HK3: variants seen among roughly 807,000 people sequenced by gnomAD.
HK3 encodes hexokinase 3.
Under a neutral mutation model 91.0 loss-of-function variants are expected in HK3, and 93 were observed. That is an observed-to-expected ratio of 1.02 (90% CI 0.86 to 1.21). The LOEUF is 1.21. Among genes scored for constraint, HK3 ranks in the 50% most tolerant of loss-of-function variants. The pLI is 0.00. For missense variants in HK3, 1,235 were observed against 1,247.4 expected, an observed-to-expected ratio of 0.99 and a Z score of 0.15; for synonymous variants, 519 against 516.9, an observed-to-expected ratio of 1.00 and a Z score of -0.06.
At chr5:176,894,475 G>T (rs562119972) in intron 2 of HK3, among the ~76,000 whole-genome samples, 1 of 152,348 alleles carries the variant, frequency 6.6e-6, no homozygotes, top group South Asian at 2.1e-4. Context: ...GGGGCAAGAA[G>T]CGAGGGAGGA....
chr5:176,889,443 T>C lies in HK3; in HGVS notation c.852A>G (p.Gly284=). Residue 284 remains glycine, a synonymous_variant, in exon 8 of 19, where the codon GGA becomes GGG. Transcript: ENST00000292432. ...WGSFSDDGAL[G]PVLTTFDHTL... ...TATGGTCGAAGGTGGTCAGCACTGG[T>C]CCCAGCGCCCCATCATCGCTGAAGG... 6.2e-7 allele frequency: 1 copy of C among 1,614,152 alleles called. No homozygotes were observed.
intron 1 of HK3, among the ~76,000 whole-genome samples, chr5:176,897,447 C>A (rs1237019440): frequency 6.6e-6 from 1 of 152,082 alleles, no homozygotes; most frequent in Non-Finnish European, 1.5e-5. Context: ...TTCCTTGCAA[C>A]AGCAGAACTT....
At chr5:176,885,343 G>A (rs1758555001) in intron 13 of HK3, among the ~76,000 whole-genome samples, 1 of 152,226 alleles carries the variant, frequency 6.6e-6, no homozygotes, top group Admixed American at 6.5e-5. Flanking sequence ...GCACAGCAAA[G>A]GCTGCTGCAG....
chr5:176,883,588 C>T (rs184622201), intron 15 of HK3, among the ~76,000 whole-genome samples, 182 bp downstream of exon 15: 1 of 152,184 alleles, frequency 6.6e-6, no homozygotes, highest in African/African-American at 2.4e-5. Flanking sequence ...GAGTCAGTCA[C>T]TGAGCTGGAC....
rs776361412 is a variant in HK3, at chr5:176,884,240, C to T, written c.1858-106G>A. 5.4e-5 allele frequency: 50 copies of T among 923,654 alleles called. No homozygotes were observed. Among genetic ancestry groups the T allele is most frequent in the Non-Finnish European group, 7.4e-5 (42 of 567,098 alleles). 57.2% of individuals were successfully genotyped at this position (923,654 alleles called of 1,614,324 possible). ...CACAAGCCTAGGCTTTCCACCCTCCCCAAGCACAATTCCTTGCCTACTTTG... is the reference window on the plus strand; with the variant it reads ...CACAAGCCTAGGCTTTCCACCCTCCTCAAGCACAATTCCTTGCCTACTTTG... On this transcript the variant is annotated intron_variant, in intron 13 of 18. Transcript: ENST00000292432. This position sits in a 1 kb window ranked among gnomAD's most constrained non-coding sequence, Gnocchi z 4.1.
chr5:176,881,834 T>C lies in HK3; in HGVS notation c.2251A>G (p.Ile751Val). The change falls in exon 17 of 19, where the codon ATC becomes GTC. Residue 751 changes from isoleucine (I) to valine (V), a missense_variant. By Grantham distance (29) the Ile-to-Val change is conservative. Around this residue, in one of 3 missense-constraint regions of HK3, gnomAD observed 513 missense variants for 477.4 expected, o/e 1.07. Coordinates refer to ENST00000292432, the MANE Select transcript of HK3 (RefSeq NM_002115.3). Reference sequence around the variant, plus strand: ...ATCTCCCCCAGGTACATGCCGCTGATCATCTTTTCAAACCTGCATGAACAT... The same window carrying C: ...ATCTCCCCCAGGTACATGCCGCTGACCATCTTTTCAAACCTGCATGAACAT... ...NPGKQRFEKMISGMYLGEIVR... is the reference protein window; with the variant it reads ...NPGKQRFEKMVSGMYLGEIVR... The C allele has an allele frequency of 6.2e-7, 1 of 1,613,696 alleles. No homozygotes were observed. The highest frequency in any genetic ancestry group is 8.5e-7 in the Non-Finnish European group (1 of 1,179,956).
At chr5:176,886,212 G>A (rs1236689519) in intron 13 of HK3, among the ~76,000 whole-genome samples, 2 of 151,664 alleles carry the variant, frequency 1.3e-5, no homozygotes, top group East Asian at 2.0e-4. Context: ...CAACCTGGGC[G>A]ACAGAGTGAG....
At position 176,884,046 on chromosome 5, in the gene HK3, C is replaced by T. The variant is rs761507146; in HGVS notation, c.1946G>A (p.Arg649His). The part of the protein sequence containing the change: ...VVSLLREAIT[R>H]RQAVELNVVA... ...CCTAGAACAGGCTCCTACCTGTCTG[C>T]GAGTGATGGCTTCCCGCAACAGACT... Residue 649 changes from arginine (R) to histidine (H), a missense_variant, in exon 14 of 19, where the codon CGC becomes CAC. This residue lies in a region of HK3 where 513 missense variants were observed against 477.4 expected (regional missense o/e 1.07). Transcript: ENST00000292432. This position sits in a 1 kb window ranked among gnomAD's most constrained non-coding sequence, Gnocchi z 4.1. The T allele has an allele frequency of 2.9e-5, 46 of 1,613,890 alleles. No individual in the cohort carries two copies. The highest frequency in any genetic ancestry group is 1.6e-4 in the Middle Eastern group (1 of 6,082).
At position 176,881,347 on chromosome 5, in the gene HK3, G is replaced by A. The variant is rs760437027; in HGVS notation, c.2582C>T (p.Ala861Val). The change falls in exon 18 of 19, where the codon GCA becomes GTA. Residue 861 changes from alanine (A) to valine (V), a missense_variant. Physicochemically the swap from Ala to Val is moderately conservative, Grantham distance 64 (BLOSUM62 0). Coordinates refer to ENST00000292432, the MANE Select transcript of HK3 (RefSeq NM_002115.3). ...IRENRGLEEL[A>V]VSVGVDGTLY... is the part of the protein sequence containing the mutation. ...CGTTCCATCCACCCCCACAGACACTGCCAGCTCTTCCAGGCCCCGGTTCTC... is the reference window on the plus strand; with the variant it reads ...CGTTCCATCCACCCCCACAGACACTACCAGCTCTTCCAGGCCCCGGTTCTC... 3.1e-6 allele frequency: 5 copies of A among 1,613,868 alleles called. No homozygotes were observed. The East Asian group carries it at 6.7e-5, about 22-fold the overall frequency.
chr5:176,897,111 C>T lies in HK3; in HGVS notation c.-26-926G>A, dbSNP rs1474315723. On this transcript the variant is annotated intron_variant, in intron 1 of 18. Coordinates refer to ENST00000292432, the MANE Select transcript of HK3 (RefSeq NM_002115.3). ...GGGTTGTGTGGGGCAAATGAGATCA[C>T]GAGAGCAAAGGAACTTGCTCAGATG... 3.3e-5 allele frequency among the ~76,000 whole-genome samples: 5 copies of T among 152,106 alleles called. No individual in the cohort carries two copies. The East Asian group carries it at 9.6e-4, about 29-fold the overall frequency.
chr5:176,882,429 C>T (rs142297387), intron 15 of HK3, among the ~76,000 whole-genome samples: 3,184 of 152,316 alleles, frequency 0.021, 56 homozygotes, highest in South Asian at 0.051. Context: ...AGACATGTGA[C>T]ATCCCCCGCC....
rs1450053525 is a variant in HK3, at chr5:176,891,466, C to A, written c.181G>T (p.Ala61Ser). 2 of 1,614,222 alleles carry A rather than the reference C, an allele frequency of 1.2e-6. No individual in the cohort carries two copies. Among genetic ancestry groups the A allele is most frequent in the South Asian group, 2.2e-5 (2 of 91,086 alleles). ...QASLLGSMEQ[A>S]LRGQASPAPA... is the part of the protein sequence containing the mutation. ...GCAGGGCTGGCCTGTCCCCTCAGCG[C>A]CTGCTCCATGGAACCCAAGAGGCTG... Residue 61 changes from alanine (A) to serine (S), a missense_variant, in exon 3 of 19, where the codon GCG becomes TCG. Physicochemically the swap from Ala to Ser is moderately conservative, Grantham distance 99 (BLOSUM62 1). This residue lies in a region of HK3 where 717 missense variants were observed against 751.6 expected (regional missense o/e 0.95). Transcript: ENST00000292432.
Position 176,888,478 on chromosome 5 carries a change from G to T in HK3, c.1158C>A (p.His386Gln). ...CCCGCGTGCACACGGCCGCACAGACGTGCTGCACAAGCTCAACATCCGAAG... is the reference window on the plus strand; with the variant it reads ...CCCGCGTGCACACGGCCGCACAGACTTGCTGCACAAGCTCAACATCCGAAG... ...PGASDVELVQ[H>Q]VCAAVCTRAA... The change falls in exon 10 of 19, where the codon CAC (histidine) becomes CAA (glutamine). Residue 386 changes from histidine (H) to glutamine (Q), a missense_variant. This residue lies in a region of HK3 where 717 missense variants were observed against 751.6 expected (regional missense o/e 0.95). Transcript: ENST00000292432. 1 of 1,553,832 alleles carries T rather than the reference G, an allele frequency of 6.4e-7. No individual in the cohort carries two copies.
At chr5:176,893,105 G>T (rs12519232) in intron 2 of HK3, among the ~76,000 whole-genome samples, 3 of 152,132 alleles carry the variant, frequency 2.0e-5, no homozygotes, top group African/African-American at 7.2e-5. Flanking sequence ...GACAGGCGGG[G>T]TCTCAGCCTT....
rs968878610 is a variant in HK3, at chr5:176,896,223, C to G, written c.-26-38G>C. Reference sequence around the variant, plus strand: ...AGGGACAACCTGGGTCAACCATTTACTCTATAGGCCCTAGGAGTCTGTAAC... The same window carrying G: ...AGGGACAACCTGGGTCAACCATTTAGTCTATAGGCCCTAGGAGTCTGTAAC... On this transcript the variant is annotated intron_variant, in intron 1 of 18. Transcript: ENST00000292432. 3 of 1,212,482 alleles carry G rather than the reference C, an allele frequency of 2.5e-6. No homozygotes were observed. The African/African-American group carries it at 4.6e-5, about 18-fold the overall frequency. The allele number at this position is 1,212,482 out of a possible 1,614,324, so 75.1% of individuals were successfully genotyped here. A position where few individuals can be genotyped will look rare whatever the true frequency, so the allele number is the denominator to read the frequency against.
intron 2 of HK3, among the ~76,000 whole-genome samples, chr5:176,895,054 G>C (rs1758873171): frequency 6.6e-6 from 1 of 150,840 alleles, no homozygotes. Context: ...TGGGATTACA[G>C]GCCTGAGCCA....
chr5:176,883,645 C>T lies in HK3; in HGVS notation c.2053+125G>A, dbSNP rs545401614. On this transcript the variant is annotated intron_variant, in intron 15 of 18. Coordinates refer to ENST00000292432, the MANE Select transcript of HK3 (RefSeq NM_002115.3). Reference sequence around the variant, plus strand: ...GCCAGCCCAAGAGATTGTTCCAGAGCCCTACTGGGTCAGACCAGAGCAATC... The same window carrying T: ...GCCAGCCCAAGAGATTGTTCCAGAGTCCTACTGGGTCAGACCAGAGCAATC... 3.8e-5 allele frequency: 27 copies of T among 711,750 alleles called. No individual in the cohort carries two copies. In the Admixed American group the frequency reaches 3.9e-4, roughly 10 times the overall value. 44.1% of individuals were successfully genotyped at this position (711,750 alleles called of 1,614,324 possible).
At position 176,891,043 on chromosome 5, in the gene HK3, G is replaced by A. The variant is rs1295892509; in HGVS notation, c.408C>T (p.Gly136=). The A allele has an allele frequency of 1.9e-6, 3 of 1,613,976 alleles. No individual in the cohort carries two copies. Among genetic ancestry groups the A allele is most frequent in the South Asian group, 1.1e-5 (1 of 91,084 alleles). ...CTGGGCAGTGAGTGCTTACCTGCTG[G>A]CCAGCACCCAGCATCACCTCTTGGG... ...VIPQEVMLGA[G]QQLFDFAAHC... The change falls in exon 4 of 19, where the codon GGC becomes GGT. Residue 136 remains glycine, a synonymous_variant. Transcript: ENST00000292432.
chr5:176,881,316 G>A lies in HK3; in HGVS notation c.2613C>T (p.Tyr871=), dbSNP rs1295696347. The A allele has an allele frequency of 5.0e-6, 8 of 1,613,764 alleles. No individual in the cohort carries two copies. In the Admixed American group the frequency reaches 1.2e-4, roughly 24 times the overall value. ...AVSVGVDGTL[Y]KLHPRFSSLV... is the part of the protein sequence containing the mutation. ...CCCAGACTCACCGCGGGTGCAGCTT[G>A]TAGAGCGTTCCATCCACCCCCACAG... Residue 871 remains tyrosine, a synonymous_variant, in exon 18 of 19, where the codon TAC becomes TAT. Coordinates refer to ENST00000292432, the MANE Select transcript of HK3 (RefSeq NM_002115.3).
Sources: allele counts gnomAD v4.1 joint callset (sites outside exome capture counted in the v4.1 genomes callset), GRCh38; gene constraint gnomAD v4.1.1; regional missense constraint gnomAD v4.1.1; non-coding constraint Gnocchi (gnomAD v3.1); transcripts MANE v1.5; gene names NCBI Gene and HGNC (gene_info 2026-07-23, HGNC 2026-07-21).